Variants in PTPRN2 observed in about 807,000 individuals in gnomAD.
The protein encoded by PTPRN2 is protein tyrosine phosphatase receptor type N2.
PTPRN2 carries 74 observed loss-of-function variants against 118.8 expected under a neutral mutation model. That is an observed-to-expected ratio of 0.62 (90% CI 0.52 to 0.76). The LOEUF is 0.76. Ranked by LOEUF, PTPRN2 falls within the 30% of genes least tolerant of loss-of-function variation. The pLI, the probability that PTPRN2 is intolerant of heterozygous loss-of-function variation, is 0.00. For synonymous variants in PTPRN2, 641 were observed against 608.0 expected, an observed-to-expected ratio of 1.05 and a Z score of -0.80; for missense variants, 1,481 against 1,394.4, an observed-to-expected ratio of 1.06 and a Z score of -0.99.
At chr7:158,057,132 AT>A (rs1809854845) in intron 11 of PTPRN2, among the ~76,000 whole-genome samples, 1 of 152,224 alleles carries the variant, frequency 6.6e-6, no homozygotes, top group African/African-American at 2.4e-5. Context: ...GGGAGCATCT[AT>A]CATCAATCCT....
chr7:158,058,767 G>A (rs1419404410), intron 11 of PTPRN2, among the ~76,000 whole-genome samples: 91 of 66,864 alleles, frequency 1.4e-3, no homozygotes, highest in African/African-American at 1.5e-3. Context: ...ATCTGCCCAC[G>A]GTGAGACATC....
intron 12 of PTPRN2, among the ~76,000 whole-genome samples, chr7:157,773,528 G>A (rs990618329): frequency 6.6e-6 from 1 of 152,156 alleles, no homozygotes; most frequent in Non-Finnish European, 1.5e-5. Context: ...CCATCAGCCC[G>A]CTGCGAGGGC....
chr7:157,718,201 TTGAA>T (rs1164667514), intron 12 of PTPRN2, among the ~76,000 whole-genome samples: 1 of 152,256 alleles, frequency 6.6e-6, no homozygotes, highest in African/African-American at 2.4e-5. Context: ...TCAGAACAAT[TTGAA>T]TGAACGTGGC....
intron 12 of PTPRN2, among the ~76,000 whole-genome samples, chr7:157,806,797 A>C (rs1289071333): frequency 6.6e-6 from 1 of 152,204 alleles, no homozygotes; most frequent in Non-Finnish European, 1.5e-5. Context: ...GTCCAGGCAG[A>C]CCACGGCCCG....
chr7:157,631,061 G>A (rs1803908917), intron 14 of PTPRN2, among the ~76,000 whole-genome samples: 1 of 152,106 alleles, frequency 6.6e-6, no homozygotes, highest in African/African-American at 2.4e-5. Flanking sequence ...GTCTCCAGCT[G>A]ACCTATTCTG....
At chr7:158,146,937 C>T (rs1284651277) in intron 6 of PTPRN2, among the ~76,000 whole-genome samples, 2 of 150,092 alleles carry the variant, frequency 1.3e-5, no homozygotes, top group Non-Finnish European at 3.0e-5. Context: ...TCTCACGCCA[C>T]GTGTCTTTCC....
intron 10 of PTPRN2, among the ~76,000 whole-genome samples, chr7:158,101,716 A>C (rs1347965353): frequency 6.6e-6 from 1 of 152,214 alleles, no homozygotes; most frequent in African/African-American, 2.4e-5. Flanking sequence ...CCCACCTGGT[A>C]TTTAAGAAAA....
chr7:157,555,560 C>T (rs1271462250), intron 21 of PTPRN2, among the ~76,000 whole-genome samples: 1 of 152,236 alleles, frequency 6.6e-6, no homozygotes, highest in Non-Finnish European at 1.5e-5. Flanking sequence ...GCCATCGTCG[C>T]CGTCTCCTGA....
At chr7:157,815,267 C>T (rs1335797639) in intron 12 of PTPRN2, among the ~76,000 whole-genome samples, 2 of 152,256 alleles carry the variant, frequency 1.3e-5, no homozygotes, top group East Asian at 3.8e-4. Flanking sequence ...AGGCTGTGTG[C>T]ACCTCCTGAG....
chr7:158,438,502 C>T lies in PTPRN2; in HGVS notation c.163+51233G>A, dbSNP rs1466703885. 6.6e-6 allele frequency among the ~76,000 whole-genome samples: 1 copy of T among 152,208 alleles called. No individual in the cohort carries two copies. Among genetic ancestry groups the T allele is most frequent in the Non-Finnish European group, 1.5e-5 (1 of 68,044 alleles). ...AGGCTAATTAACAGGATCTTGGCCT[C>T]TCAAATCCCGGTTGCCTCCGCAGCT... On this transcript the variant is annotated intron_variant, in intron 2 of 22. Transcript: ENST00000389418. This position sits in a 1 kb window ranked among gnomAD's most constrained non-coding sequence, Gnocchi z 4.7.
In PTPRN2 at chr7:157,793,317, A is replaced by G. The variant is rs1382229684; in HGVS notation, c.1788+105356T>C. On this transcript the variant is annotated intron_variant, in intron 12 of 22. Transcript: ENST00000389418. ...CGTGAGATGGCAGAGGTTGGTCTCC[A>G]TGTCACAGATGACCCTCGCGGCGGT... 2.6e-5 allele frequency among the ~76,000 whole-genome samples: 4 copies of G among 152,244 alleles called. No individual in the cohort carries two copies. In the South Asian group the frequency reaches 8.3e-4, roughly 31 times the overall value.
intron 11 of PTPRN2, among the ~76,000 whole-genome samples, chr7:158,071,211 G>A (rs1250917070): frequency 8.4e-5 from 4 of 47,578 alleles, no homozygotes; most frequent in Non-Finnish European, 1.7e-4. Flanking sequence ...AGGTGCTCGT[G>A]GTGGTGGAGG....
At chr7:157,621,204 G>T (rs1317811699) in intron 15 of PTPRN2, among the ~76,000 whole-genome samples, 158 bp downstream of exon 15, 3 of 151,604 alleles carry the variant, frequency 2.0e-5, no homozygotes, top group Admixed American at 1.3e-4. Flanking sequence ...TGTAACCCAG[G>T]CCTCCCGTCC....
intron 13 of PTPRN2, among the ~76,000 whole-genome samples, chr7:157,658,861 T>C (rs1285810387): frequency 6.6e-6 from 1 of 152,200 alleles, no homozygotes; most frequent in Admixed American, 6.5e-5. Flanking sequence ...CGTGGGCTGC[T>C]GCTGCCTTGG....
Position 158,271,232 on chromosome 7 carries a change from G to A in PTPRN2, c.277+45587C>T, listed in dbSNP as rs142934447. ...GCTTCTCTTGTGTTGTGAATGCAGC[G>A]GTCAGCCGCAAAACACCAAATGACA... On this transcript the variant is annotated intron_variant, in intron 3 of 22. Transcript: ENST00000389418. Among the ~76,000 whole-genome samples the A allele has an allele frequency of 2.1e-3, 327 of 152,168 alleles. 1 individual carries two copies. The highest frequency in any genetic ancestry group is 0.02 in the Middle Eastern group (6 of 294).
intron 10 of PTPRN2, among the ~76,000 whole-genome samples, chr7:158,103,357 G>A (rs1173276241): frequency 2.6e-5 from 4 of 152,222 alleles, no homozygotes; most frequent in Non-Finnish European, 4.4e-5. Context: ...CCAGTTCAAA[G>A]TAAGAGGTAA....
At chr7:158,259,614 G>T (rs73522314) in intron 3 of PTPRN2, among the ~76,000 whole-genome samples, 35 of 152,306 alleles carry the variant, frequency 2.3e-4, no homozygotes, top group African/African-American at 8.2e-4. Context: ...GATCCCACCT[G>T]CTCCCACTCC....
intron 2 of PTPRN2, among the ~76,000 whole-genome samples, chr7:158,441,201 A>G (rs556250479): frequency 0.053 from 6,985 of 131,188 alleles, 860 homozygotes; most frequent in African/African-American, 0.2. Flanking sequence ...AGTGATGGTG[A>G]TGGTGGTGGT....
chr7:158,301,575 C>T (rs1352048747), intron 3 of PTPRN2, among the ~76,000 whole-genome samples: 1 of 152,222 alleles, frequency 6.6e-6, no homozygotes, highest in Non-Finnish European at 1.5e-5. Flanking sequence ...GAAGCTTCTA[C>T]CACACTTAGT....
Sources: gnomAD v4.1 joint callset for allele counts (sites outside exome capture counted in the v4.1 genomes callset) on GRCh38, gnomAD v4.1.1 for gene constraint, Gnocchi (gnomAD v3.1) non-coding constraint, MANE v1.5 for transcripts, NCBI Gene and HGNC (gene_info 2026-07-23, HGNC 2026-07-21) for gene names.